Variants in ZBTB47 observed in about 807,000 individuals in gnomAD.
ZBTB47 encodes zinc finger and BTB domain containing 47.
A neutral mutation model predicts 56.6 loss-of-function variants in ZBTB47; 24 were observed. That is an observed-to-expected ratio of 0.42 (90% CI 0.31 to 0.60). The LOEUF is 0.60. Among genes scored for constraint, ZBTB47 ranks in the 20% least tolerant of loss-of-function variants. The pLI is 0.14. For synonymous variants in ZBTB47, 414 were observed against 418.9 expected, an observed-to-expected ratio of 0.99 and a Z score of 0.14; for missense variants, 829 against 1,032.6, an observed-to-expected ratio of 0.80 and a Z score of 2.70.
In ZBTB47 at chr3:42,659,515, G is replaced by T; in HGVS notation, c.1160G>T (p.Arg387Leu). The change falls in exon 2 of 6, where the codon CGC becomes CTC. Residue 387 changes from arginine to leucine, a missense_variant. Around this residue, in one of 6 missense-constraint regions of ZBTB47, gnomAD observed 359 missense variants for 359.8 expected, o/e 1.00. Transcript: ENST00000232974. Reference protein sequence around the residue: ...MATRSRENARRRGTPEPEEAG... With the variant: ...MATRSRENARLRGTPEPEEAG... ...ACACGGTCCCGGGAGAACGCCCGGC[G>T]CCGGGGTACCCCTGAACCTGAAGAA... is the stretch of plus-strand genomic sequence containing the variant. 6.5e-7 allele frequency: 1 copy of T among 1,543,172 alleles called. No homozygotes were observed. Among genetic ancestry groups the T allele is most frequent in the Non-Finnish European group, 8.7e-7 (1 of 1,147,498 alleles).
chr3:42,660,292 G>A (rs1223656929), intron 2 of ZBTB47, among the ~76,000 whole-genome samples: 1 of 152,236 alleles, frequency 6.6e-6, no homozygotes, highest in Non-Finnish European at 1.5e-5. Flanking sequence ...AGCACACGAT[G>A]GGAGGAGGGG....
Position 42,658,836 on chromosome 3 carries a change from G to C in ZBTB47, c.481G>C (p.Asp161His), listed in dbSNP as rs776214428. 6.5e-7 allele frequency: 1 copy of C among 1,533,656 alleles called. No individual in the cohort carries two copies. Among genetic ancestry groups the C allele is most frequent in the Non-Finnish European group, 8.7e-7 (1 of 1,145,620 alleles). ...LPKIYAREGP[D>H]PYSVRVEDGA... ...CAAGATCTATGCCCGCGAGGGCCCT[G>C]ACCCTTACTCGGTGCGTGTTGAGGA... Residue 161 changes from aspartate to histidine, a missense_variant, in exon 2 of 6, where the codon GAC becomes CAC. Transcript: ENST00000232974.
At position 42,667,114 on chromosome 3, in the gene ZBTB47, T is replaced by C. The variant is rs1485539004; in HGVS notation, c.*2516T>C. On this transcript the variant is annotated 3_prime_UTR_variant, in exon 6 of 6. Coordinates refer to ENST00000232974, the MANE Select transcript of ZBTB47 (RefSeq NM_145166.4). ...AAAACAAAACAACACAAAAAAACAA[T>C]GTGCCCCCAGATGTCAGAATGAGGC... 6.6e-6 allele frequency among the ~76,000 whole-genome samples: 1 copy of C among 152,198 alleles called. No homozygotes were observed. The highest frequency in any genetic ancestry group is 2.4e-5 in the African/African-American group (1 of 41,452).
intron 3 of ZBTB47, among the ~76,000 whole-genome samples, 155 bp downstream of exon 3, chr3:42,661,787 T>C (rs921292841): frequency 6.6e-6 from 1 of 151,636 alleles, no homozygotes; most frequent in African/African-American, 2.4e-5. Context: ...CAGTGGCAGG[T>C]GTAGCCTGGA....
At chr3:42,661,718 G>A in intron 3 of ZBTB47, 86 bp downstream of exon 3, 1 of 1,540,778 alleles carries the variant, frequency 6.5e-7, no homozygotes, top group Non-Finnish European at 8.8e-7. Flanking sequence ...TCACATCCAA[G>A]GGCAATGTGA....
rs1169371248 is a variant in ZBTB47 at position 42,663,026 on chromosome 3, A to G, written c.1636A>G (p.Met546Val). The G allele has an allele frequency of 6.2e-7, 1 of 1,613,762 alleles. No individual in the cohort carries two copies. Among genetic ancestry groups the G allele is most frequent in the Admixed American group, 1.7e-5 (1 of 60,022 alleles). Residue 546 changes from methionine (M) to valine (V), a missense_variant, in exon 4 of 6, where the codon ATG becomes GTG. By Grantham distance (21) the Met-to-Val change is conservative. This residue lies in a region of ZBTB47 where 187 missense variants were observed against 253.1 expected (regional missense o/e 0.74). Coordinates refer to ENST00000232974, the MANE Select transcript of ZBTB47 (RefSeq NM_145166.4). The surrounding 1 kb of genome is among the most constrained non-coding windows in gnomAD (Gnocchi z 5.1). ...CCACCTCGTAGCCCACACCAAGGAC[A>G]TGCCCTTCACCTGCGAGACCTGCGG... is the stretch of plus-strand genomic sequence containing the variant. ...RKHMVAHTKD[M>V]PFTCETCGKS...
intron 2 of ZBTB47, among the ~76,000 whole-genome samples, chr3:42,660,929 G>C (rs1710708433): frequency 6.6e-6 from 1 of 152,162 alleles, no homozygotes; most frequent in Admixed American, 6.5e-5. Flanking sequence ...GAGAACAAAT[G>C]GGGGGATATG....
rs537581543 is a variant in ZBTB47 at position 42,663,351 on chromosome 3, C to T, written c.1737+224C>T. 2.6e-4 allele frequency among the ~76,000 whole-genome samples: 39 copies of T among 152,250 alleles called. No homozygotes were observed. The highest frequency in any genetic ancestry group is 9.1e-4 in the African/African-American group (38 of 41,560). ...TGCCCTTCCTTCCCCAACCCAGCCC[C>T]ACACACTCAGGGTGGGAAGTGTGTG... On this transcript the variant is annotated intron_variant, in intron 4 of 5. Transcript: ENST00000232974. The surrounding 1 kb of genome is among the most constrained non-coding windows in gnomAD (Gnocchi z 5.1).
intron 3 of ZBTB47, 79 bp downstream of exon 3, chr3:42,661,711 C>T (rs1710724023): frequency 3.2e-6 from 5 of 1,558,184 alleles, no homozygotes; most frequent in African/African-American, 1.4e-5. Context: ...AAAGACTTCA[C>T]ATCCAAGGGC....
chr3:42,658,915 C>G lies in ZBTB47; in HGVS notation c.560C>G (p.Pro187Arg). The G allele has an allele frequency of 1.3e-6, 2 of 1,500,812 alleles. No individual in the cohort carries two copies. The highest frequency in any genetic ancestry group is 1.8e-6 in the Non-Finnish European group (2 of 1,128,868). The allele number at this position is 1,500,812 out of a possible 1,614,324, so 93.0% of individuals were successfully genotyped here. Residue 187 changes from proline (P) to arginine (R), a missense_variant, in exon 2 of 6, where the codon CCC (proline) becomes CGC (arginine). Around this residue, in one of 6 missense-constraint regions of ZBTB47, gnomAD observed 359 missense variants for 359.8 expected, o/e 1.00. Coordinates refer to ENST00000232974, the MANE Select transcript of ZBTB47 (RefSeq NM_145166.4). ...CCTGCCACCATTGGGCCAGCCCAGCCCTTCTTTAAGGAGGAGAAGGAGGGT... is the reference window on the plus strand; with the variant it reads ...CCTGCCACCATTGGGCCAGCCCAGCGCTTCTTTAAGGAGGAGAAGGAGGGT... ...TVPATIGPAQ[P>R]FFKEEKEGGV...
Position 42,659,361 on chromosome 3 carries a change from G to T in ZBTB47, c.1006G>T (p.Gly336Trp). The change falls in exon 2 of 6, where the codon GGG (glycine) becomes TGG (tryptophan). Residue 336 changes from glycine to tryptophan, a missense_variant. Transcript: ENST00000232974. ...GGAAGAGGAGGAGGAAGAGGAGGAA[G>T]GGCCTAGTGAGCAGGATCAAGAGAG... ...EEEEEEEEEE[G>W]PSEQDQESSE... 2 of 1,454,946 alleles carry T rather than the reference G, an allele frequency of 1.4e-6. No individual in the cohort carries two copies. Among genetic ancestry groups the T allele is most frequent in the Middle Eastern group, 2.3e-4 (1 of 4,386 alleles). The allele number at this position is 1,454,946 out of a possible 1,614,324, so 90.1% of individuals were successfully genotyped here.
chr3:42,659,439 C>T lies in ZBTB47; in HGVS notation c.1084C>T (p.Arg362Trp), dbSNP rs1358442105. ...GGAGGCTGGGGGCAAGCAGGGGCCACGGGGAAGCCGAAGCAGCCGGGCAGA... is the reference window on the plus strand; with the variant it reads ...GGAGGCTGGGGGCAAGCAGGGGCCATGGGGAAGCCGAAGCAGCCGGGCAGA... ...EGEAGGKQGP[R>W]GSRSSRADPP... is the part of the protein sequence containing the mutation. Residue 362 changes from arginine (R) to tryptophan (W), a missense_variant, in exon 2 of 6, where the codon CGG becomes TGG. By Grantham distance (101) the Arg-to-Trp change is moderately radical. Transcript: ENST00000232974. The T allele has an allele frequency of 2.8e-6, 4 of 1,449,790 alleles. No homozygotes were observed. The highest frequency in any genetic ancestry group is 2.8e-5 in the South Asian group (2 of 70,930). 89.8% of individuals were successfully genotyped at this position (1,449,790 alleles called of 1,614,324 possible). A position where few individuals can be genotyped will look rare whatever the true frequency, so the allele number is the denominator to read the frequency against.
At position 42,666,006 on chromosome 3, in the gene ZBTB47, T is replaced by A. The variant is rs1710784408; in HGVS notation, c.*1408T>A. Among the ~76,000 whole-genome samples, 5 of 152,176 alleles carry A rather than the reference T, an allele frequency of 3.3e-5. No individual in the cohort carries two copies. Among genetic ancestry groups the A allele is most frequent in the African/African-American group, 9.7e-5 (4 of 41,442 alleles). ...CCACCACTCCCCGACACTATTGCCT[T>A]CCCAGCATGGCTGGAGTGGGAAGAG... On this transcript the variant is annotated 3_prime_UTR_variant, in exon 6 of 6. Transcript: ENST00000232974.
At chr3:42,660,574 C>T (rs1710701262) in intron 2 of ZBTB47, among the ~76,000 whole-genome samples, 1 of 152,178 alleles carries the variant, frequency 6.6e-6, no homozygotes, top group African/African-American at 2.4e-5. Context: ...AGCCAGGCTC[C>T]CACGGGTGGT....
intron 2 of ZBTB47, among the ~76,000 whole-genome samples, chr3:42,660,577 C>T (rs996291041): frequency 3.3e-5 from 5 of 152,138 alleles, no homozygotes; most frequent in African/African-American, 9.7e-5. Context: ...CAGGCTCCCA[C>T]GGGTGGTTTT....
In ZBTB47 at chr3:42,658,850, G is replaced by A; in HGVS notation, c.495G>A (p.Val165=). ...GCGAGGGCCCTGACCCTTACTCGGT[G>A]CGTGTTGAGGACGGGGCAGGGACTG... is the stretch of plus-strand genomic sequence containing the variant. ...YAREGPDPYS[V]RVEDGAGTAG... is the part of the protein sequence containing the mutation. Residue 165 remains valine, a synonymous_variant, in exon 2 of 6, where the codon GTG becomes GTA. Transcript: ENST00000232974. The A allele has an allele frequency of 6.5e-7, 1 of 1,531,738 alleles. No individual in the cohort carries two copies. The highest frequency in any genetic ancestry group is 2.0e-5 in the Admixed American group (1 of 50,602). 94.9% of individuals were successfully genotyped at this position (1,531,738 alleles called of 1,614,324 possible).
In ZBTB47 at chr3:42,654,808, C is replaced by A. The variant is rs954885706; in HGVS notation, c.-82+925C>A. ...GGGGCTGGAGGGATCTTCCCCCCTC[C>A]CCCGGTCTCCCGGCTCCATCTGCTG... On this transcript the variant is annotated intron_variant, in intron 1 of 5. Transcript: ENST00000232974. The surrounding 1 kb of genome is among the most constrained non-coding windows in gnomAD (Gnocchi z 5.0). 4.9e-6 allele frequency: 3 copies of A among 616,448 alleles called. No homozygotes were observed. The highest frequency in any genetic ancestry group is 6.1e-6 in the Non-Finnish European group (3 of 492,366). The allele number at this position is 616,448 out of a possible 1,614,324, so 38.2% of individuals were successfully genotyped here.
rs1710646153 is a variant in ZBTB47, at chr3:42,656,867, A to T, written c.-81-1408A>T. Reference sequence around the variant, plus strand: ...GGGGAAGGGGGGCGGTAGGCTGTGGATGGATGGGGCCAGGATTCATCCCAG... The same window carrying T: ...GGGGAAGGGGGGCGGTAGGCTGTGGTTGGATGGGGCCAGGATTCATCCCAG... On this transcript the variant is annotated intron_variant, in intron 1 of 5. Coordinates refer to ENST00000232974, the MANE Select transcript of ZBTB47 (RefSeq NM_145166.4). The surrounding 1 kb of genome is among the most constrained non-coding windows in gnomAD (Gnocchi z 5.8). Among the ~76,000 whole-genome samples, 1 of 152,122 alleles carries T rather than the reference A, an allele frequency of 6.6e-6. No individual in the cohort carries two copies. The highest frequency in any genetic ancestry group is 1.5e-5 in the Non-Finnish European group (1 of 68,014).
rs1169846598 is a variant in ZBTB47 at position 42,658,362 on chromosome 3, C to T, written c.7C>T (p.Arg3Cys). The T allele has an allele frequency of 6.5e-6, 10 of 1,532,480 alleles. No individual in the cohort carries two copies. The highest frequency in any genetic ancestry group is 2.7e-5 in the African/African-American group (2 of 73,090). 94.9% of individuals were successfully genotyped at this position (1,532,480 alleles called of 1,614,324 possible). The stretch of plus-strand genomic sequence containing the variant: ...GCTGCACTTTGCCTGCTTGATGGGC[C>T]GCCTGAACGAGCAGCGCCTCTTCCA... MG[R>C]LNEQRLFQPD... Residue 3 changes from arginine to cysteine, a missense_variant, in exon 2 of 6, where the codon CGC becomes TGC. By Grantham distance (180) the Arg-to-Cys change is radical. This residue lies in a region of ZBTB47 where 120 missense variants were observed against 200.2 expected (regional missense o/e 0.60). Transcript: ENST00000232974.
Sources: allele counts gnomAD v4.1 joint callset (sites outside exome capture counted in the v4.1 genomes callset), GRCh38; gene constraint gnomAD v4.1.1; regional missense constraint gnomAD v4.1.1; non-coding constraint Gnocchi (gnomAD v3.1); transcripts MANE v1.5; gene names NCBI Gene and HGNC (gene_info 2026-07-23, HGNC 2026-07-21).